ZEB1: variants seen among roughly 807,000 people sequenced by gnomAD.
ZEB1 encodes the protein zinc finger E-box-binding homeobox 1.
A neutral mutation model predicts 84.9 loss-of-function variants in ZEB1; 21 were observed. The observed-to-expected ratio is 0.25, with a 90% CI of 0.18 to 0.36. ZEB1 has a LOEUF of 0.36. Ranked by LOEUF, ZEB1 falls within the 10% of genes least tolerant of loss-of-function variation. The probability of loss-of-function intolerance (pLI) is 1.00; values close to 1 mark genes in which losing one functional copy is unlikely to be tolerated. For synonymous variants in ZEB1, 420 were observed against 471.1 expected, an observed-to-expected ratio of 0.89 and a Z score of 1.41; for missense variants, 1,104 against 1,330.2, an observed-to-expected ratio of 0.83 and a Z score of 2.65.
chr10:31,483,552 A>G (rs2065336597), intron 2 of ZEB1, among the ~76,000 whole-genome samples: 1 of 152,108 alleles, frequency 6.6e-6, no homozygotes, highest in Non-Finnish European at 1.5e-5. Context: ...AAGAGAAGTT[A>G]CCATATCATA....
intron 1 of ZEB1, among the ~76,000 whole-genome samples, chr10:31,405,135 C>G (rs1564738875): frequency 6.6e-6 from 1 of 151,950 alleles, no homozygotes; most frequent in Non-Finnish European, 1.5e-5. Context: ...CCCAGATTAG[C>G]CAAAATGGGA....
At chr10:31,402,150 TGAA>T (rs2052165749) in intron 1 of ZEB1, among the ~76,000 whole-genome samples, 1 of 151,696 alleles carries the variant, frequency 6.6e-6, no homozygotes. Flanking sequence ...ACAGGAAAGA[TGAA>T]AGACCAGATA....
At chr10:31,367,703 T>C (rs1013568833) in intron 1 of ZEB1, among the ~76,000 whole-genome samples, 1 of 152,150 alleles carries the variant, frequency 6.6e-6, no homozygotes, top group Non-Finnish European at 1.5e-5. Flanking sequence ...AAGGATTGCT[T>C]TAAGTGATGT....
chr10:31,363,728 A>G, intron 1 of ZEB1: 1 of 1,190,040 alleles, frequency 8.4e-7, no homozygotes, highest in East Asian at 2.6e-5. Context: ...TTGTGAGGAG[A>G]CAGCACGGGT....
At chr10:31,442,102 T>C (rs1483806773) in intron 1 of ZEB1, among the ~76,000 whole-genome samples, 2 of 152,208 alleles carry the variant, frequency 1.3e-5, no homozygotes, top group African/African-American at 4.8e-5. Context: ...TAAAGACACA[T>C]GCACATGTAT....
At position 31,321,338 on chromosome 10, in the gene ZEB1, A is replaced by G. The variant is rs1466589310; in HGVS notation, c.58+2046A>G. ...TGCTTTCGTGATTTTAATTATTCAA[A>G]TAAACACTTGCATTTTAAAGACGTC... is the stretch of plus-strand genomic sequence containing the variant. On this transcript the variant is annotated intron_variant, in intron 1 of 8. Coordinates refer to ENST00000424869, the MANE Select transcript of ZEB1 (RefSeq NM_001174096.2). The G allele has an allele frequency of 1.1e-5, 16 of 1,456,882 alleles. No homozygotes were observed. In the East Asian group the frequency reaches 3.3e-4, roughly 30 times the overall value. The allele number at this position is 1,456,882 out of a possible 1,614,324, so 90.2% of individuals were successfully genotyped here. A position where few individuals can be genotyped will look rare whatever the true frequency, so the allele number is the denominator to read the frequency against.
At position 31,471,693 on chromosome 10, in the gene ZEB1, G is replaced by T. The variant is rs1432027558; in HGVS notation, c.259+10456G>T. 4.8e-5 allele frequency among the ~76,000 whole-genome samples: 7 copies of T among 146,908 alleles called. No homozygotes were observed. The South Asian group carries it at 1.1e-3, about 24-fold the overall frequency. ...CAAGGATACCCAGGAATTGAACTCAGCTCTGCACCAAGCAGACCTAATAGA... is the reference window on the plus strand; with the variant it reads ...CAAGGATACCCAGGAATTGAACTCATCTCTGCACCAAGCAGACCTAATAGA... On this transcript the variant is annotated intron_variant, in intron 2 of 8. Coordinates refer to ENST00000424869, the MANE Select transcript of ZEB1 (RefSeq NM_001174096.2).
intron 1 of ZEB1, chr10:31,321,417 G>C (rs983953411): frequency 1.2e-6 from 2 of 1,609,976 alleles, no homozygotes; most frequent in African/African-American, 2.7e-5. Flanking sequence ...GAGATGACTT[G>C]TTATAGCAAG....
chr10:31,377,110 A>G (rs2046777601), intron 1 of ZEB1, among the ~76,000 whole-genome samples: 1 of 144,186 alleles, frequency 6.9e-6, no homozygotes, highest in Non-Finnish European at 1.5e-5. Flanking sequence ...TTTTTGCAAT[A>G]CAGAATTTTT....
At chr10:31,469,894 G>C (rs1211994637) in intron 2 of ZEB1, among the ~76,000 whole-genome samples, 2 of 152,166 alleles carry the variant, frequency 1.3e-5, no homozygotes, top group Admixed American at 1.3e-4. Flanking sequence ...TCCTCAAGTG[G>C]GTCCCTGACC....
rs545616891 is a variant in ZEB1 at position 31,387,731 on chromosome 10, C to A, written c.58+68439C>A. On this transcript the variant is annotated intron_variant, in intron 1 of 8. Transcript: ENST00000424869. ...TATCTTTACTTCAGGGAAAGCCCCT[C>A]AAACCATTTTGTATTCTGTATTACA... 553 of 984,730 alleles carry A rather than the reference C, an allele frequency of 5.6e-4. 1 individual carries two copies. The highest frequency in any genetic ancestry group is 5.1e-3 in the African/African-American group (295 of 57,302). 61.0% of individuals were successfully genotyped at this position (984,730 alleles called of 1,614,324 possible).
At chr10:31,476,964 G>C (rs912824272) in intron 2 of ZEB1, among the ~76,000 whole-genome samples, 1 of 151,934 alleles carries the variant, frequency 6.6e-6, no homozygotes, top group East Asian at 1.9e-4. Flanking sequence ...ATATTGAATG[G>C]GGAAACGTTG....
intron 2 of ZEB1, among the ~76,000 whole-genome samples, chr10:31,468,108 C>T (rs1409296845): frequency 6.6e-6 from 1 of 152,146 alleles, no homozygotes; most frequent in Non-Finnish European, 1.5e-5. Flanking sequence ...AGTGTTGTTC[C>T]AGCTGCCTGA....
intron 5 of ZEB1, among the ~76,000 whole-genome samples, chr10:31,511,721 C>T (rs1275412521): frequency 1.3e-5 from 2 of 152,174 alleles, no homozygotes; most frequent in Admixed American, 6.5e-5. Flanking sequence ...TGTATATCTA[C>T]ATACCTGAAC....
chr10:31,410,586 C>T (rs2054052721), intron 1 of ZEB1, among the ~76,000 whole-genome samples: 1 of 152,150 alleles, frequency 6.6e-6, no homozygotes, highest in Non-Finnish European at 1.5e-5. Context: ...ATGGTAGCAG[C>T]TCCTTTTTGT....
At chr10:31,389,760 T>C (rs1287061096) in intron 1 of ZEB1, 2 of 152,196 alleles carry the variant, frequency 1.3e-5, no homozygotes, top group African/African-American at 4.8e-5. Flanking sequence ...TTAGTTTTCA[T>C]TACATTTTAT....
chr10:31,324,176 T>G (rs2034898653), intron 1 of ZEB1, among the ~76,000 whole-genome samples: 1 of 152,004 alleles, frequency 6.6e-6, no homozygotes, highest in Non-Finnish European at 1.5e-5. Flanking sequence ...TTGAAAATAT[T>G]AATCGTTTAT....
At chr10:31,412,701 G>A (rs1418423242) in intron 1 of ZEB1, among the ~76,000 whole-genome samples, 3 of 152,162 alleles carry the variant, frequency 2.0e-5, no homozygotes, top group Non-Finnish European at 4.4e-5. Context: ...CTTATAGAAT[G>A]CTATGGACTC....
chr10:31,463,196 A>G (rs904961074), intron 2 of ZEB1, among the ~76,000 whole-genome samples: 4 of 152,160 alleles, frequency 2.6e-5, no homozygotes, highest in Admixed American at 6.5e-5. Context: ...AAAGGGGGCA[A>G]TAAGAATAAG....
Sources: allele counts gnomAD v4.1 joint callset (sites outside exome capture counted in the v4.1 genomes callset), GRCh38; gene constraint gnomAD v4.1.1; transcripts MANE v1.5; gene names NCBI Gene and HGNC (gene_info 2026-07-23, HGNC 2026-07-21).